Variants in SMOC2 observed in about 807,000 individuals in gnomAD.
The protein encoded by SMOC2 is SPARC-related modular calcium-binding protein 2.
In SMOC2, 39 loss-of-function variants were observed where a neutral mutation model predicts 61.4. The observed-to-expected ratio is 0.64, with a 90% confidence interval of 0.49 to 0.83. The LOEUF (loss-of-function observed/expected upper bound fraction) is 0.83, where lower values mean the gene tolerates loss of function less well. SMOC2 is among the 40% of genes least tolerant of loss of function. The probability of loss-of-function intolerance (pLI) is 0.00; values close to 1 mark genes in which losing one functional copy is unlikely to be tolerated. For missense variants in SMOC2, 556 were observed against 592.9 expected (o/e 0.94, Z 0.65); for synonymous variants, 247 against 239.9 (o/e 1.03, Z -0.27).
rs1783955481 is a variant in SMOC2, at chr6:168,544,943, A to G, written c.511+1271A>G. 6.6e-6 allele frequency among the ~76,000 whole-genome samples: 1 copy of G among 152,126 alleles called. No individual in the cohort carries two copies. The highest frequency in any genetic ancestry group is 2.4e-5 in the African/African-American group (1 of 41,424). On this transcript the variant is annotated intron_variant, in intron 5 of 12. Transcript: ENST00000356284. The surrounding 1 kb of genome is among the most constrained non-coding windows in gnomAD (Gnocchi z 4.1). ...TAACAGGTGTGAGCTGGAACAGAAG[A>G]AGCCTCACAGTCAAGGAAGATAGCT...
At chr6:168,513,975 C>G (rs1250577110) in intron 2 of SMOC2, among the ~76,000 whole-genome samples, 10 of 151,998 alleles carry the variant, frequency 6.6e-5, no homozygotes, top group South Asian at 4.1e-4. Context: ...CTGGGGCCCT[C>G]CGGGGTGGCA....
intron 4 of SMOC2, among the ~76,000 whole-genome samples, chr6:168,531,767 A>C (rs1297986131): frequency 6.6e-6 from 1 of 152,206 alleles, no homozygotes; most frequent in Non-Finnish European, 1.5e-5. Flanking sequence ...AAAACCTTCC[A>C]AGGTCTCTGT....
At chr6:168,648,214 C>A (rs1419440715) in intron 9 of SMOC2, among the ~76,000 whole-genome samples, 3 of 152,230 alleles carry the variant, frequency 2.0e-5, no homozygotes, top group Admixed American at 1.3e-4. Flanking sequence ...ATATTCCTCT[C>A]AGAATCTCTG....
intron 10 of SMOC2, among the ~76,000 whole-genome samples, chr6:168,652,591 T>C (rs1787223238): frequency 1.3e-5 from 2 of 152,280 alleles, no homozygotes; most frequent in Middle Eastern, 3.4e-3. Flanking sequence ...AAGAATCACA[T>C]TTACAGGGCT....
intron 8 of SMOC2, among the ~76,000 whole-genome samples, chr6:168,601,239 C>T (rs530874809): frequency 1.3e-5 from 2 of 152,354 alleles, no homozygotes; most frequent in African/African-American, 4.8e-5. Context: ...CACCGTCTGG[C>T]CCGCTGGGAG....
chr6:168,560,305 A>G (rs1212137662), intron 7 of SMOC2, among the ~76,000 whole-genome samples: 1 of 152,242 alleles, frequency 6.6e-6, no homozygotes, highest in Non-Finnish European at 1.5e-5. Flanking sequence ...GAAAGGGCAA[A>G]CGAAGAAGTC....
chr6:168,600,246 A>G (rs1785505989), intron 8 of SMOC2, among the ~76,000 whole-genome samples: 1 of 151,966 alleles, frequency 6.6e-6, no homozygotes, highest in South Asian at 2.1e-4. Flanking sequence ...TCACTAGTAA[A>G]AATACAAAAA....
chr6:168,442,704 CTTTTCTTTTTCT>C (rs748535039), intron 1 of SMOC2, among the ~76,000 whole-genome samples: 1 of 152,182 alleles, frequency 6.6e-6, no homozygotes, highest in African/African-American at 2.4e-5. Context: ...ATGTGGGCAT[CTTTTCTTTTTCT>C]TTTTCTTTTT....
chr6:168,542,322 C>T (rs1783891627), intron 4 of SMOC2, among the ~76,000 whole-genome samples: 1 of 152,116 alleles, frequency 6.6e-6, no homozygotes, highest in South Asian at 2.1e-4. Flanking sequence ...TATTGCAAGG[C>T]CTGGAAACAA....
intron 8 of SMOC2, 122 bp downstream of exon 8, chr6:168,599,126 TCACACA>T: frequency 2.4e-6 from 2 of 816,744 alleles, no homozygotes; most frequent in African/African-American, 2.0e-5. Context: ...ACACTCACAC[TCACACA>T]CACTGATACC....
At chr6:168,627,418 C>A (rs1027731195) in intron 9 of SMOC2, among the ~76,000 whole-genome samples, 1 of 152,124 alleles carries the variant, frequency 6.6e-6, no homozygotes, top group African/African-American at 2.4e-5. Context: ...CCATGCTGAG[C>A]TTTTAATTTT....
chr6:168,502,856 T>A (rs908934957), intron 1 of SMOC2, among the ~76,000 whole-genome samples: 1 of 152,116 alleles, frequency 6.6e-6, no homozygotes, highest in Non-Finnish European at 1.5e-5. Flanking sequence ...AACCTCCACC[T>A]CCTGGGTTTA....
At chr6:168,626,828 C>A (rs1020467097) in intron 9 of SMOC2, among the ~76,000 whole-genome samples, 1 of 152,184 alleles carries the variant, frequency 6.6e-6, no homozygotes, top group African/African-American at 2.4e-5. Context: ...TTGGGCTACA[C>A]CTGCTTGAAT....
chr6:168,600,331 C>T lies in SMOC2; in HGVS notation c.824+1327C>T, dbSNP rs375270953. On this transcript the variant is annotated intron_variant, in intron 8 of 12. Transcript: ENST00000356284. Reference sequence around the variant, plus strand: ...CTGAGGCAGGAGAATTGCTTGAATCCGGGAGGCGGAGGTTGCAGTGAGCCA... The same window carrying T: ...CTGAGGCAGGAGAATTGCTTGAATCTGGGAGGCGGAGGTTGCAGTGAGCCA... Among the ~76,000 whole-genome samples the T allele has an allele frequency of 2.1e-4, 30 of 139,668 alleles. 1 individual carries two copies. The highest frequency in any genetic ancestry group is 2.1e-3 in the East Asian group (9 of 4,322). 91.6% of individuals were successfully genotyped at this position (139,668 alleles called of 152,430 possible). A position where few individuals can be genotyped will look rare whatever the true frequency, so the allele number is the denominator to read the frequency against.
chr6:168,533,561 G>C (rs1184564134), intron 4 of SMOC2, among the ~76,000 whole-genome samples: 4 of 152,134 alleles, frequency 2.6e-5, no homozygotes, highest in African/African-American at 9.7e-5. Flanking sequence ...TGAGATCAAC[G>C]AGGCAGCTGC....
chr6:168,523,014 C>T, intron 2 of SMOC2, among the ~76,000 whole-genome samples: 1 of 151,322 alleles, frequency 6.6e-6, no homozygotes, highest in Non-Finnish European at 1.5e-5. Flanking sequence ...TGCTACATGC[C>T]ACTGAATCGT....
chr6:168,584,424 GA>G (rs1240293741), intron 7 of SMOC2, among the ~76,000 whole-genome samples: 2 of 152,270 alleles, frequency 1.3e-5, no homozygotes, highest in East Asian at 3.9e-4. Flanking sequence ...AACTTGCATA[GA>G]TAAAGCCAAA....
At chr6:168,650,879 G>T (rs1787175878) in intron 10 of SMOC2, 96 bp downstream of exon 10, 1 of 1,156,220 alleles carries the variant, frequency 8.6e-7, no homozygotes, top group Non-Finnish European at 1.2e-6. Context: ...AACCTTCTCA[G>T]CTTATTTGGA....
intron 7 of SMOC2, among the ~76,000 whole-genome samples, chr6:168,558,546 C>G (rs994533984): frequency 1.3e-5 from 2 of 152,228 alleles, no homozygotes; most frequent in African/African-American, 4.8e-5. Flanking sequence ...TGCATTTTAC[C>G]TATCTGGGTT....
Sources: gnomAD v4.1 joint callset for allele counts (sites outside exome capture counted in the v4.1 genomes callset) on GRCh38, gnomAD v4.1.1 for gene constraint, Gnocchi (gnomAD v3.1) non-coding constraint, MANE v1.5 for transcripts, NCBI Gene and HGNC (gene_info 2026-07-23, HGNC 2026-07-21) for gene names.